The following SYNPO variants were observed in gnomAD, a reference collection of about 807,000 sequenced individuals.
SYNPO encodes the protein synaptopodin.
Under a neutral mutation model 49.5 loss-of-function variants are expected in SYNPO, and 19 were observed. That is an observed-to-expected ratio of 0.38 (90% CI 0.27 to 0.56). The LOEUF is 0.56. Among genes scored for constraint, SYNPO ranks in the 20% least tolerant of loss-of-function variants. The pLI is 0.68. For synonymous variants in SYNPO, 536 were observed against 548.0 expected, an observed-to-expected ratio of 0.98 and a Z score of 0.31; for missense variants, 1,131 against 1,248.3, an observed-to-expected ratio of 0.91 and a Z score of 1.42.
chr5:150,613,275 C>A (rs1466302837), intron 1 of SYNPO, among the ~76,000 whole-genome samples: 4 of 152,128 alleles, frequency 2.6e-5, no homozygotes, highest in African/African-American at 7.2e-5. Flanking sequence ...CTGCCCACCC[C>A]CCTACTTTGT....
In SYNPO at chr5:150,658,318, A is replaced by G. The variant is rs1018002155; in HGVS notation, c.*1231A>G. The G allele has an allele frequency of 6.6e-6, 1 of 152,340 alleles. No individual in the cohort carries two copies. Among genetic ancestry groups the G allele is most frequent in the African/African-American group, 2.4e-5 (1 of 41,418 alleles). 9.4% of individuals were successfully genotyped at this position (152,340 alleles called of 1,614,324 possible). A position where few individuals can be genotyped will look rare whatever the true frequency, so the allele number is the denominator to read the frequency against. On this transcript the variant is annotated 3_prime_UTR_variant, in exon 3 of 3. Coordinates refer to ENST00000307662, the MANE Select transcript of SYNPO (RefSeq NM_007286.6). Reference sequence around the variant, plus strand: ...GCCTGTATTTCTGGTCCCCTTGGAAATGTCCCCTTCTTCAGTGTCAGACCT... The same window carrying G: ...GCCTGTATTTCTGGTCCCCTTGGAAGTGTCCCCTTCTTCAGTGTCAGACCT...
the SYNPO span, among the ~76,000 whole-genome samples, chr5:150,596,025 G>C: frequency 2.6e-5 from 4 of 152,226 alleles, no homozygotes; most frequent in African/African-American, 7.2e-5. Flanking sequence ...AGGTGGGTTG[G>C]GGGGAGGTCT....
intron 1 of SYNPO, among the ~76,000 whole-genome samples, chr5:150,601,652 C>T (rs535678728): frequency 6.6e-6 from 1 of 152,314 alleles, no homozygotes; most frequent in East Asian, 1.9e-4. Context: ...CTGAAGTGGC[C>T]TCCTGTGGCC....
chr5:150,594,141 G>A, the SYNPO span, among the ~76,000 whole-genome samples: 1 of 152,224 alleles, frequency 6.6e-6, no homozygotes, highest in Non-Finnish European at 1.5e-5. Context: ...AGAGGACAGA[G>A]GCGCTCTGTG....
At chr5:150,611,051 A>G (rs1247872264) in intron 1 of SYNPO, among the ~76,000 whole-genome samples, 1 of 152,224 alleles carries the variant, frequency 6.6e-6, no homozygotes, top group African/African-American at 2.4e-5. Context: ...CTTGAAATGC[A>G]TATGCTATAC....
At chr5:150,586,462 C>T in the SYNPO span, among the ~76,000 whole-genome samples, 2 of 152,166 alleles carry the variant, frequency 1.3e-5, no homozygotes, top group African/African-American at 4.8e-5. Context: ...CCACTATAAA[C>T]TGGAGATATG....
At chr5:150,642,132 C>A (rs1757931003) in intron 1 of SYNPO, among the ~76,000 whole-genome samples, 1 of 152,226 alleles carries the variant, frequency 6.6e-6, no homozygotes, top group African/African-American at 2.4e-5. Flanking sequence ...AGGTGGTGAG[C>A]ATAAAGTGCA....
At chr5:150,596,091 A>T (rs1561626183), upstream of SYNPO, among the ~76,000 whole-genome samples, 1 of 152,204 alleles carries the variant, frequency 6.6e-6, no homozygotes, top group Non-Finnish European at 1.5e-5. Flanking sequence ...ATCTCTGCAA[A>T]TAAAACACAG....
chr5:150,604,737 G>A (rs1756644298), intron 1 of SYNPO, among the ~76,000 whole-genome samples: 2 of 152,182 alleles, frequency 1.3e-5, no homozygotes, highest in African/African-American at 2.4e-5. Flanking sequence ...ACGAGGTGGC[G>A]GCACAGAAGC....
intron 2 of SYNPO, chr5:150,652,030 T>G: frequency 2.0e-6 from 2 of 1,000,584 alleles, no homozygotes; most frequent in Non-Finnish European, 2.4e-6. Flanking sequence ...GCAGTGCCCA[T>G]GCTGGGCTGA....
At chr5:150,643,829 G>A (rs190223988) in intron 1 of SYNPO, among the ~76,000 whole-genome samples, 46 of 152,104 alleles carry the variant, frequency 3.0e-4, no homozygotes, top group Admixed American at 1.8e-3. Context: ...CACCGCGCCC[G>A]GCTGAGAAGA....
intron 2 of SYNPO, chr5:150,624,806 G>A: frequency 2.1e-6 from 2 of 963,808 alleles, no homozygotes. Flanking sequence ...GGCGCGGGGC[G>A]GGGGTGGCGG....
chr5:150,645,495 A>G (rs1260597890), intron 1 of SYNPO, among the ~76,000 whole-genome samples: 2 of 152,256 alleles, frequency 1.3e-5, no homozygotes, highest in Non-Finnish European at 2.9e-5. Context: ...ACTGTGTGCC[A>G]GCTGGCCACT....
At chr5:150,636,956 A>T (rs1203113790), upstream of SYNPO, among the ~76,000 whole-genome samples, 1 of 152,212 alleles carries the variant, frequency 6.6e-6, no homozygotes, top group African/African-American at 2.4e-5. Flanking sequence ...AAAAGCCTAC[A>T]GTTAACCACC....
At chr5:150,586,892 G>A in the SYNPO span, among the ~76,000 whole-genome samples, 2 of 152,080 alleles carry the variant, frequency 1.3e-5, no homozygotes, top group Non-Finnish European at 2.9e-5. Flanking sequence ...GTATGTATAT[G>A]TGGATTCATG....
At chr5:150,643,813 G>A (rs753390933) in intron 1 of SYNPO, among the ~76,000 whole-genome samples, 6 of 152,066 alleles carry the variant, frequency 3.9e-5, no homozygotes, top group Non-Finnish European at 8.8e-5. Context: ...GATTACAGGC[G>A]CGAGCCACCG....
chr5:150,657,110 C>T lies in SYNPO; in HGVS notation c.*23C>T, dbSNP rs528232317. 2 of 1,548,944 alleles carry T rather than the reference C, an allele frequency of 1.3e-6. No homozygotes were observed. The highest frequency in any genetic ancestry group is 1.7e-6 in the Non-Finnish European group (2 of 1,144,916). On this transcript the variant is annotated 3_prime_UTR_variant, in exon 3 of 3. Coordinates refer to ENST00000307662, the MANE Select transcript of SYNPO (RefSeq NM_007286.6). ...TAGAGCCCCACCCCCGACCCCACCC[C>T]GGGAGGGCAGAGCCAGAAGAAGGCT...
chr5:150,595,754 A>C, the SYNPO span, among the ~76,000 whole-genome samples: 1 of 152,154 alleles, frequency 6.6e-6, no homozygotes, highest in Admixed American at 6.5e-5. Flanking sequence ...CAGCCAAAAC[A>C]TGAGGCAGGA....
In SYNPO at chr5:150,647,892, C is replaced by A. The variant is rs1423218305; in HGVS notation, c.-332-52C>A. On this transcript the variant is annotated intron_variant, in intron 1 of 2. Transcript: ENST00000307662. ...CTGTCTGCCTGTTTGTCCGTGCACC[C>A]CTGTGTCACTGCATTCCTGTTTGCT... 4 of 1,503,074 alleles carry A rather than the reference C, an allele frequency of 2.7e-6. No individual in the cohort carries two copies. In the African/African-American group the frequency reaches 5.5e-5, roughly 21 times the overall value. 93.1% of individuals were successfully genotyped at this position (1,503,074 alleles called of 1,614,324 possible).
Sources: gnomAD v4.1 joint callset for allele counts (sites outside exome capture counted in the v4.1 genomes callset) on GRCh38, gnomAD v4.1.1 for gene constraint, MANE v1.5 for transcripts, NCBI Gene and HGNC (gene_info 2026-07-23, HGNC 2026-07-21) for gene names.